Variants in GRID2 observed in about 807,000 individuals in gnomAD.
GRID2 encodes glutamate receptor ionotropic, delta-2.
A neutral mutation model predicts 114.8 loss-of-function variants in GRID2; 33 were observed. That is an observed-to-expected ratio of 0.29 (90% CI 0.22 to 0.38). The LOEUF (loss-of-function observed/expected upper bound fraction) is 0.38. Ranked by LOEUF, GRID2 falls within the 10% of genes least tolerant of loss-of-function variation. The pLI is 1.00. For missense variants in GRID2, 1,184 were observed against 1,257.7 expected (o/e 0.94, Z 0.89); for synonymous variants, 505 against 449.9 (o/e 1.12, Z -1.55).
chr4:92,588,950 CA>C (rs746980310), intron 1 of GRID2, among the ~76,000 whole-genome samples: 97 of 151,268 alleles, frequency 6.4e-4, no homozygotes, highest in African/African-American at 1.4e-3. Flanking sequence ...TAAAAACACA[CA>C]AAAAAATAGC....
At chr4:93,038,107 A>G (rs1181640653) in intron 2 of GRID2, among the ~76,000 whole-genome samples, 1 of 152,096 alleles carries the variant, frequency 6.6e-6, no homozygotes. Flanking sequence ...ATGTTTTTCC[A>G]TTTGTTTGTT....
At chr4:92,947,644 A>G (rs1054131310) in intron 2 of GRID2, among the ~76,000 whole-genome samples, 4 of 151,884 alleles carry the variant, frequency 2.6e-5, no homozygotes, top group African/African-American at 4.8e-5. Flanking sequence ...AATTAATGAA[A>G]ACTGTTTCTT....
intron 2 of GRID2, among the ~76,000 whole-genome samples, chr4:93,078,008 A>G (rs1252251750): frequency 6.6e-6 from 1 of 152,174 alleles, no homozygotes; most frequent in Non-Finnish European, 1.5e-5. Flanking sequence ...CTTCATATTA[A>G]TAACAAAAAG....
At chr4:93,319,453 T>C (rs1162833780) in intron 8 of GRID2, 1 of 152,112 alleles carries the variant, frequency 6.6e-6, no homozygotes, top group East Asian at 1.9e-4. Context: ...GGGAGAATTC[T>C]AAGATGACCT....
intron 2 of GRID2, among the ~76,000 whole-genome samples, chr4:93,066,986 A>G (rs1026646129): frequency 2.6e-5 from 4 of 152,044 alleles, no homozygotes; most frequent in African/African-American, 9.7e-5. Flanking sequence ...GCATGGTGTG[A>G]GGTTTCATTA....
At chr4:93,355,077 A>G (rs905298681) in intron 8 of GRID2, among the ~76,000 whole-genome samples, 2 of 151,832 alleles carry the variant, frequency 1.3e-5, no homozygotes, top group Non-Finnish European at 2.9e-5. Context: ...CAAGAGAGGT[A>G]TATTTCTTGC....
rs17019936 is a variant in GRID2 at position 92,859,552 on chromosome 4, C to T, written c.245-225443C>T. On this transcript the variant is annotated intron_variant, in intron 2 of 15. Transcript: ENST00000282020. ...TTCCTTGTTATCTTATAGAAAGTTGCTAGACTATGATTTGTGAAAATTATA... is the reference window on the plus strand; with the variant it reads ...TTCCTTGTTATCTTATAGAAAGTTGTTAGACTATGATTTGTGAAAATTATA... 5.9e-3 allele frequency among the ~76,000 whole-genome samples: 904 copies of T among 152,168 alleles called. 16 individuals carry two copies. The highest frequency in any genetic ancestry group is 0.021 in the African/African-American group (858 of 41,518).
chr4:92,925,893 GAGTT>G (rs1455377976), intron 2 of GRID2, among the ~76,000 whole-genome samples: 2 of 151,954 alleles, frequency 1.3e-5, no homozygotes, highest in African/African-American at 4.8e-5. Flanking sequence ...AAAGGGACAA[GAGTT>G]AGTTTTAGAT....
chr4:92,719,518 A>G (rs1278425220), intron 2 of GRID2, among the ~76,000 whole-genome samples: 4 of 152,306 alleles, frequency 2.6e-5, no homozygotes, highest in South Asian at 2.1e-4. Context: ...TTAAAAAACA[A>G]CATTGCTTAA....
At chr4:93,113,972 C>CAACAGGGAGACACCACCCT (rs1560893555) in intron 4 of GRID2, among the ~76,000 whole-genome samples, 1 of 152,010 alleles carries the variant, frequency 6.6e-6, no homozygotes, top group African/African-American at 2.4e-5. Context: ...CCTGTTGAGA[C>CAACAGGGAGACACCACCCT]GTTTGGTGAC....
intron 2 of GRID2, among the ~76,000 whole-genome samples, chr4:93,004,408 G>A (rs929933539): frequency 6.6e-6 from 1 of 151,906 alleles, no homozygotes; most frequent in Non-Finnish European, 1.5e-5. Flanking sequence ...CTATATCTGT[G>A]CCTATGCACT....
intron 2 of GRID2, among the ~76,000 whole-genome samples, chr4:92,711,307 C>T (rs1735236374): frequency 6.6e-6 from 1 of 152,176 alleles, no homozygotes; most frequent in South Asian, 2.1e-4. Context: ...ACTGGGTCCT[C>T]TCCCCAGAGT....
chr4:93,666,091 T>C (rs2149744451), intron 14 of GRID2, among the ~76,000 whole-genome samples: 1 of 152,256 alleles, frequency 6.6e-6, no homozygotes, highest in South Asian at 2.1e-4. Flanking sequence ...GTCTTGAATG[T>C]AATAGATGAT....
At chr4:93,672,163 C>T (rs1560886196) in intron 14 of GRID2, among the ~76,000 whole-genome samples, 1 of 152,172 alleles carries the variant, frequency 6.6e-6, no homozygotes, top group East Asian at 1.9e-4. Flanking sequence ...GCCTGTGCCC[C>T]TCTTCTAGAT....
chr4:93,166,698 G>A (rs1579171178), intron 4 of GRID2, among the ~76,000 whole-genome samples: 1 of 152,114 alleles, frequency 6.6e-6, no homozygotes, highest in African/African-American at 2.4e-5. Flanking sequence ...CTTCTGGCCA[G>A]AGCTGCTTGT....
At chr4:93,460,863 C>T (rs1255785677) in intron 11 of GRID2, among the ~76,000 whole-genome samples, 1 of 152,012 alleles carries the variant, frequency 6.6e-6, no homozygotes, top group African/African-American at 2.4e-5. Context: ...CTGTAATGTC[C>T]CCACTGAGTT....
At chr4:92,456,374 C>G (rs558267330) in intron 1 of GRID2, among the ~76,000 whole-genome samples, 1 of 151,562 alleles carries the variant, frequency 6.6e-6, no homozygotes, top group Non-Finnish European at 1.5e-5. Flanking sequence ...CAATTCTGCA[C>G]GGAAAAAAAT....
At chr4:92,714,111 A>G (rs1427767090) in intron 2 of GRID2, among the ~76,000 whole-genome samples, 7 of 152,204 alleles carry the variant, frequency 4.6e-5, no homozygotes, top group Admixed American at 4.6e-4. Flanking sequence ...CCTAGATACA[A>G]TGGAGGTACA....
intron 8 of GRID2, among the ~76,000 whole-genome samples, chr4:93,263,185 T>A (rs1384559227): frequency 6.6e-6 from 1 of 152,064 alleles, no homozygotes; most frequent in Non-Finnish European, 1.5e-5. Context: ...AGGATTTTAA[T>A]CTTTTGTCAT....
Sources: gnomAD v4.1 joint callset for allele counts (sites outside exome capture counted in the v4.1 genomes callset) on GRCh38, gnomAD v4.1.1 for gene constraint, MANE v1.5 for transcripts, NCBI Gene and HGNC (gene_info 2026-07-23, HGNC 2026-07-21) for gene names.